Variants in RIPOR2 observed in about 807,000 individuals in gnomAD.
RIPOR2 encodes the protein rho family-interacting cell polarization regulator 2.
Under a neutral mutation model 114.5 loss-of-function variants are expected in RIPOR2, and 39 were observed. That is an observed-to-expected ratio of 0.34 (90% confidence interval 0.26 to 0.44). The LOEUF is 0.44. Ranked by LOEUF, RIPOR2 falls within the 20% of genes least tolerant of loss-of-function variation. The pLI, the probability that RIPOR2 is intolerant of heterozygous loss-of-function variation, is 1.00. For missense variants in RIPOR2, 1,007 were observed against 1,255.1 expected (o/e 0.80, Z 2.99); for synonymous variants, 445 against 484.4 (o/e 0.92, Z 1.07).
At chr6:24,846,978 G>A (rs1256643975) in intron 12 of RIPOR2, among the ~76,000 whole-genome samples, 1 of 152,126 alleles carries the variant, frequency 6.6e-6, no homozygotes, top group East Asian at 1.9e-4. Flanking sequence ...TTTTTGAGAT[G>A]GAGTTTGCTG....
intron 1 of RIPOR2, among the ~76,000 whole-genome samples, chr6:25,010,661 A>G (rs1775740797): frequency 6.6e-6 from 1 of 152,212 alleles, no homozygotes; most frequent in African/African-American, 2.4e-5. Context: ...TATGGGCTTT[A>G]TAAGTAGGAG....
intron 1 of RIPOR2, among the ~76,000 whole-genome samples, chr6:25,034,149 G>A (rs76699979): frequency 0.031 from 4,746 of 151,934 alleles, 94 homozygotes; most frequent in African/African-American, 0.035. Context: ...TACGCTGTAC[G>A]GGGTGAGGGC....
At chr6:25,017,345 G>A (rs1776060310) in intron 1 of RIPOR2, among the ~76,000 whole-genome samples, 1 of 152,156 alleles carries the variant, frequency 6.6e-6, no homozygotes, top group African/African-American at 2.4e-5. Context: ...TGCCATTTAG[G>A]CAGAGCAAAA....
intron 8 of RIPOR2, among the ~76,000 whole-genome samples, chr6:24,855,023 C>CAAAAA (rs71310727): frequency 2.0e-4 from 11 of 54,444 alleles, no homozygotes; most frequent in Admixed American, 6.6e-4. Context: ...AACTCCGTCT[C>CAAAAA]AAAAAAAAAA....
intron 1 of RIPOR2, among the ~76,000 whole-genome samples, chr6:25,005,986 A>G (rs1420062012): frequency 6.6e-6 from 1 of 152,094 alleles, no homozygotes; most frequent in African/African-American, 2.4e-5. Context: ...TCTAAGGTTT[A>G]TATATTTCCT....
intron 8 of RIPOR2, 140 bp downstream of exon 8, chr6:24,860,833 A>G (rs1763998912): frequency 1.7e-6 from 1 of 591,620 alleles, no homozygotes; most frequent in Non-Finnish European, 3.1e-6. Flanking sequence ...TCAGTAAACT[A>G]TCAAAAGTGG....
At chr6:24,907,709 T>C (rs539971495) in intron 1 of RIPOR2, among the ~76,000 whole-genome samples, 23 of 152,294 alleles carry the variant, frequency 1.5e-4, no homozygotes, top group African/African-American at 5.5e-4. Context: ...TGCATAACAG[T>C]GAGGTTCTTG....
chr6:24,987,992 T>C (rs1226503120), intron 1 of RIPOR2, among the ~76,000 whole-genome samples: 1 of 152,122 alleles, frequency 6.6e-6, no homozygotes, highest in Non-Finnish European at 1.5e-5. Flanking sequence ...CATCAAAGAA[T>C]CTCAGTAACA....
chr6:24,822,537 G>T (rs1260260510), intron 19 of RIPOR2, among the ~76,000 whole-genome samples: 1 of 151,870 alleles, frequency 6.6e-6, no homozygotes, highest in Non-Finnish European at 1.5e-5. Context: ...TATTTTTTGA[G>T]ACAGAGTTCT....
In RIPOR2 at chr6:25,022,012, T is replaced by TA. The variant is rs1470148615; in HGVS notation, c.76+19838dup. Among the ~76,000 whole-genome samples the TA allele has an allele frequency of 9.2e-5, 14 of 151,970 alleles. No homozygotes were observed. In the East Asian group the frequency reaches 1.5e-3, roughly 17 times the overall value. ...CCAAGGGAAAGATAAACATTAAACT[T>TA]AAAAAAAATGGTCTGTAATTATGTA... On this transcript the variant is annotated intron_variant, in intron 1 of 13. Coordinates refer to the RIPOR2 transcript ENST00000510784.
intron 1 of RIPOR2, among the ~76,000 whole-genome samples, chr6:25,036,684 C>T (rs1328594254): frequency 1.3e-5 from 2 of 152,328 alleles, no homozygotes; most frequent in South Asian, 2.1e-4. Flanking sequence ...TAAGCCACCA[C>T]GCTAGGCTAG....
intron 9 of RIPOR2, among the ~76,000 whole-genome samples, chr6:24,852,057 C>T (rs754131350): frequency 6.6e-6 from 1 of 151,912 alleles, no homozygotes; most frequent in Non-Finnish European, 1.5e-5. Context: ...GTCAGGAGTT[C>T]AAGACCAGCC....
Position 25,005,708 on chromosome 6 carries a change from T to C in RIPOR2, c.76+36143A>G, listed in dbSNP as rs1439962014. On this transcript the variant is annotated intron_variant, in intron 1 of 13. Coordinates refer to the RIPOR2 transcript ENST00000510784. Reference sequence around the variant, plus strand: ...ATCCCTATGGAGATATATATATATATATATATATATATATATATATATATA... The same window carrying C: ...ATCCCTATGGAGATATATATATATACATATATATATATATATATATATATA... 1.7e-4 allele frequency among the ~76,000 whole-genome samples: 11 copies of C among 64,324 alleles called. 1 individual carries two copies. The highest frequency in any genetic ancestry group is 9.4e-5 in the Non-Finnish European group (3 of 31,842). The allele number at this position is 64,324 out of a possible 152,430, so 42.2% of individuals were successfully genotyped here.
intron 1 of RIPOR2, among the ~76,000 whole-genome samples, chr6:24,947,518 C>T (rs751054017): frequency 3.3e-5 from 5 of 152,166 alleles, no homozygotes; most frequent in African/African-American, 7.2e-5. Flanking sequence ...GAAAAGAAAA[C>T]GTGTCCTGTG....
intron 1 of RIPOR2, among the ~76,000 whole-genome samples, chr6:25,025,595 G>T (rs1776575339): frequency 6.6e-6 from 1 of 152,078 alleles, no homozygotes; most frequent in South Asian, 2.1e-4. Flanking sequence ...TTTCTAAGGA[G>T]AAAAAAATTT....
At chr6:25,038,963 CA>C (rs1355727017) in intron 1 of RIPOR2, among the ~76,000 whole-genome samples, 1 of 152,224 alleles carries the variant, frequency 6.6e-6, no homozygotes, top group African/African-American at 2.4e-5. Flanking sequence ...GGTTGATTAC[CA>C]ATGTCTGCAT....
At chr6:24,970,539 C>A (rs1370391512) in intron 1 of RIPOR2, among the ~76,000 whole-genome samples, 1 of 152,144 alleles carries the variant, frequency 6.6e-6, no homozygotes, top group Non-Finnish European at 1.5e-5. Flanking sequence ...CAGGAGGAAC[C>A]CGAGAATACG....
chr6:24,830,521 G>A lies in RIPOR2; in HGVS notation c.2494C>T (p.Leu832Phe). Residue 832 changes from leucine (L) to phenylalanine (F), a missense_variant, in exon 17 of 22, where the codon CTT (leucine) becomes TTT (phenylalanine). Physicochemically the swap from Leu to Phe is conservative, Grantham distance 22. Coordinates refer to ENST00000643898, the MANE Select transcript of RIPOR2 (RefSeq NM_001286445.3). Reference sequence around the variant, plus strand: ...TGCTGCCTCATACCTGGGTCTGCAAGTCCTGGATATTCTTTGTTGACAGTT... The same window carrying A: ...TGCTGCCTCATACCTGGGTCTGCAAATCCTGGATATTCTTTGTTGACAGTT... ...ARTVNKEYPGLADPVFRTLVS... is the reference protein window; with the variant it reads ...ARTVNKEYPGFADPVFRTLVS... 1.3e-6 allele frequency: 2 copies of A among 1,549,988 alleles called. No individual in the cohort carries two copies. Among genetic ancestry groups the A allele is most frequent in the Non-Finnish European group, 1.7e-6 (2 of 1,146,554 alleles).
Position 24,850,657 on chromosome 6 carries a change from C to T in RIPOR2, c.825G>A (p.Gln275=), listed in dbSNP as rs1454169150. The T allele has an allele frequency of 6.2e-7, 1 of 1,613,828 alleles. No individual in the cohort carries two copies. Among genetic ancestry groups the T allele is most frequent in the Non-Finnish European group, 8.5e-7 (1 of 1,179,876 alleles). The change falls in exon 10 of 22, where the codon CAG becomes CAA. Residue 275 remains glutamine (Q), a synonymous_variant. Coordinates refer to ENST00000643898, the MANE Select transcript of RIPOR2 (RefSeq NM_001286445.3). The stretch of plus-strand genomic sequence containing the variant: ...AAACTGTTTCTTCTCCATCCCAGCT[C>T]TGCTTGCCATTTACTTCTATTTTGC... ...LKGKIEVNGK[Q]SWDGEETVFL... is the part of the protein sequence containing the mutation.
Sources: gnomAD v4.1 joint callset for allele counts (sites outside exome capture counted in the v4.1 genomes callset) on GRCh38, gnomAD v4.1.1 for gene constraint, MANE v1.5 for transcripts, NCBI Gene and HGNC (gene_info 2026-07-23, HGNC 2026-07-21) for gene names.